Variants in C11orf65 observed in about 807,000 individuals in gnomAD.
C11orf65 encodes the protein chromosome 11 open reading frame 65, also known as protein MFI.
A neutral mutation model predicts 35.3 loss-of-function variants in C11orf65; 38 were observed. That is an observed-to-expected ratio of 1.08 (90% CI 0.83 to 1.41). C11orf65 has a LOEUF of 1.41. Among genes scored for constraint, C11orf65 ranks in the 40% most tolerant of loss-of-function variants. The pLI is 0.00. For missense variants in C11orf65, 370 were observed against 367.1 expected (o/e 1.01, Z -0.06); for synonymous variants, 105 against 114.4 (o/e 0.92, Z 0.53).
chr11:108,405,549 G>T lies in C11orf65; in HGVS notation c.440C>A (p.Ser147Tyr). 1 of 1,612,442 alleles carries T rather than the reference G, an allele frequency of 6.2e-7. No individual in the cohort carries two copies. Among genetic ancestry groups the T allele is most frequent in the Non-Finnish European group, 8.5e-7 (1 of 1,179,554 alleles). ...WRPVSDTFWL[S>Y]TDGMVVEDKK... Reference sequence around the variant, plus strand: ...GTCTTCCACCACCATACCATCAGTAGATAGCCAAAACTATTGAGAAACAAA... The same window carrying T: ...GTCTTCCACCACCATACCATCAGTATATAGCCAAAACTATTGAGAAACAAA... Residue 147 changes from serine to tyrosine, a missense_variant, in exon 6 of 9, where the codon TCT (serine) becomes TAT (tyrosine). Transcript: ENST00000393084.
At chr11:108,437,574 C>T (rs2135477035) in intron 2 of C11orf65, among the ~76,000 whole-genome samples, 1 of 151,414 alleles carries the variant, frequency 6.6e-6, no homozygotes, top group Admixed American at 6.6e-5. Flanking sequence ...CATGGTGGCG[C>T]ATGTCTGTAG....
At chr11:108,366,561 G>A in intron 2 of C11orf65, 1 of 229,668 alleles carries the variant, frequency 4.4e-6, no homozygotes. Context: ...TTTATTTTCA[G>A]CAAGGCTTTA....
intron 2 of C11orf65, among the ~76,000 whole-genome samples, chr11:108,371,815 T>A (rs1221712747): frequency 6.6e-6 from 1 of 152,230 alleles, no homozygotes; most frequent in African/African-American, 2.4e-5. Context: ...ATACTGTTTT[T>A]CCACAGTGGC....
At chr11:108,332,971 G>GA (rs1177654565) in intron 3 of C11orf65, 5 of 1,536,848 alleles carry the variant, frequency 3.3e-6, no homozygotes, top group Non-Finnish European at 3.6e-6. Context: ...ATTAGTTATA[G>GA]AGCCTAATAA....
chr11:108,441,874 G>C (rs1013064109), intron 2 of C11orf65, among the ~76,000 whole-genome samples: 31 of 152,214 alleles, frequency 2.0e-4, no homozygotes, highest in Non-Finnish European at 3.8e-4. Context: ...GGAGAAACCA[G>C]AGCAGAAAAG....
intron 2 of C11orf65, among the ~76,000 whole-genome samples, chr11:108,357,725 G>T (rs1184563430): frequency 1.3e-5 from 2 of 152,168 alleles, no homozygotes; most frequent in East Asian, 3.9e-4. Context: ...CAGACCTGCA[G>T]CTGAGGGTCT....
downstream of C11orf65, chr11:108,329,197 G>A (rs876659834): frequency 2.5e-6 from 4 of 1,613,882 alleles, no homozygotes; most frequent in Non-Finnish European, 3.4e-6. Context: ...GAGCCAAAGA[G>A]GAAGTAGGTC....
chr11:108,335,078 C>G lies in C11orf65; in HGVS notation c.299+142G>C, dbSNP rs748016261. On this transcript the variant is annotated intron_variant, in intron 3 of 3. Coordinates refer to the C11orf65 transcript ENST00000524755. ...CCAAAAATAATAGATTGTGTAGGTT[C>G]CGATGGCAAGGAGAGGAGACAGCTT... 5.0e-6 allele frequency: 8 copies of G among 1,613,990 alleles called. No individual in the cohort carries two copies. The East Asian group carries it at 1.8e-4, about 36-fold the overall frequency.
At chr11:108,363,461 C>T (rs563781464) in intron 2 of C11orf65, among the ~76,000 whole-genome samples, 1 of 152,314 alleles carries the variant, frequency 6.6e-6, no homozygotes, top group Non-Finnish European at 1.5e-5. Flanking sequence ...CCCTCTAACT[C>T]AGTGATGCTT....
At chr11:108,326,247 G>T in intron 6 of C11orf65, 1 of 1,613,692 alleles carries the variant, frequency 6.2e-7, no homozygotes, top group South Asian at 1.1e-5. Flanking sequence ...TTATTGGCTG[G>T]ATTAGTGTTT....
At chr11:108,450,817 G>C (rs2093337942) in intron 2 of C11orf65, among the ~76,000 whole-genome samples, 1 of 151,728 alleles carries the variant, frequency 6.6e-6, no homozygotes, top group Non-Finnish European at 1.5e-5. Context: ...CCATGATCAA[G>C]TCGGCTTCAT....
intron 2 of C11orf65, among the ~76,000 whole-genome samples, chr11:108,447,451 C>A (rs1263291647): frequency 1.0e-3 from 158 of 151,896 alleles, no homozygotes; most frequent in African/African-American, 3.6e-3. Context: ...ACCACAGTGA[C>A]ATCAAACTAG....
At chr11:108,342,167 C>G (rs1218842600) in intron 2 of C11orf65, among the ~76,000 whole-genome samples, 1 of 152,106 alleles carries the variant, frequency 6.6e-6, no homozygotes, top group African/African-American at 2.4e-5. Context: ...GGCAATTCTT[C>G]CAGTGTGGCC....
At chr11:108,413,770 T>A (rs569392225) in intron 3 of C11orf65, among the ~76,000 whole-genome samples, 1 of 152,208 alleles carries the variant, frequency 6.6e-6, no homozygotes, top group African/African-American at 2.4e-5. Context: ...GAGAGATAAC[T>A]GGAAAACCCC....
At chr11:108,386,828 T>C (rs1344247007) in intron 7 of C11orf65, among the ~76,000 whole-genome samples, 1 of 152,086 alleles carries the variant, frequency 6.6e-6, no homozygotes, top group Non-Finnish European at 1.5e-5. Flanking sequence ...ACACCTGTAA[T>C]ACCAGCACTC....
chr11:108,319,685 C>T (rs1289427933), intron 6 of C11orf65, among the ~76,000 whole-genome samples: 1 of 152,162 alleles, frequency 6.6e-6, no homozygotes, highest in African/African-American at 2.4e-5. Flanking sequence ...TGCCTAGTGC[C>T]TGGCACATAA....
rs1487809821 is a variant in C11orf65, at chr11:108,365,318, T to A, written c.226+27890A>T. 1.2e-6 allele frequency: 2 copies of A among 1,614,222 alleles called. No homozygotes were observed. The highest frequency in any genetic ancestry group is 8.5e-7 in the Non-Finnish European group (1 of 1,180,034). On this transcript the variant is annotated intron_variant, in intron 2 of 3. Transcript: ENST00000524755. ...CCTCACTGAAACCTTTGTGTTTTTG[T>A]CCTTAGTGATATTGACCAGAGTTTC... is the stretch of plus-strand genomic sequence containing the variant.
chr11:108,456,920 AC>A (rs1423547731), intron 2 of C11orf65, among the ~76,000 whole-genome samples: 1 of 152,220 alleles, frequency 6.6e-6, no homozygotes, highest in Non-Finnish European at 1.5e-5. Context: ...GATATTCAAC[AC>A]ATATAGTATT....
intron 3 of C11orf65, among the ~76,000 whole-genome samples, chr11:108,417,172 T>C (rs1352615776): frequency 2.6e-5 from 4 of 152,126 alleles, no homozygotes; most frequent in African/African-American, 9.7e-5. Flanking sequence ...ACATCAGTAA[T>C]TACATTACAT....
Sources: allele counts gnomAD v4.1 joint callset (sites outside exome capture counted in the v4.1 genomes callset), GRCh38; gene constraint gnomAD v4.1.1; transcripts MANE v1.5; gene names NCBI Gene and HGNC (gene_info 2026-07-23, HGNC 2026-07-21).